The following CNOT6 variants were observed in gnomAD, a reference collection of about 807,000 sequenced individuals.
CNOT6 encodes the protein CCR4-NOT transcription complex subunit 6, also known as carbon catabolite repression 4 protein.
Under a neutral mutation model 61.2 loss-of-function variants are expected in CNOT6, and 12 were observed. That is an observed-to-expected ratio of 0.20 (90% CI 0.13 to 0.32). CNOT6 has a LOEUF of 0.32. Among genes scored for constraint, CNOT6 ranks in the 10% least tolerant of loss-of-function variants. The probability of loss-of-function intolerance (pLI) is 1.00; values close to 1 mark genes in which losing one functional copy is unlikely to be tolerated. For synonymous variants in CNOT6, 225 were observed against 240.6 expected, an observed-to-expected ratio of 0.94 and a Z score of 0.60; for missense variants, 405 against 663.9, an observed-to-expected ratio of 0.61 and a Z score of 4.28.
At position 180,574,998 on chromosome 5, in the gene CNOT6, A is replaced by G. The variant is rs893581709; in HGVS notation, c.*798A>G. 14 of 152,672 alleles carry G rather than the reference A, an allele frequency of 9.2e-5. No individual in the cohort carries two copies. Among genetic ancestry groups the G allele is most frequent in the Non-Finnish European group, 1.9e-4 (13 of 68,058 alleles). 9.5% of individuals were successfully genotyped at this position (152,672 alleles called of 1,614,324 possible). ...AGCTGAACAGTGATGATCTGTAGACATTTATGGACTGAATGTAATGGTTGA... is the reference window on the plus strand; with the variant it reads ...AGCTGAACAGTGATGATCTGTAGACGTTTATGGACTGAATGTAATGGTTGA... On this transcript the variant is annotated 3_prime_UTR_variant, in exon 12 of 12. Coordinates refer to ENST00000261951, the MANE Select transcript of CNOT6 (RefSeq NM_001370472.1).
At chr5:180,549,149 A>G (rs924367096) in intron 2 of CNOT6, among the ~76,000 whole-genome samples, 1 of 152,140 alleles carries the variant, frequency 6.6e-6, no homozygotes, top group East Asian at 1.9e-4. Flanking sequence ...TCACTAGGGT[A>G]CTCAGTTCTT....
Position 180,526,525 on chromosome 5 carries a change from A to T in CNOT6, c.-2-2750A>T, listed in dbSNP as rs907983703. Among the ~76,000 whole-genome samples the T allele has an allele frequency of 1.1e-4, 17 of 152,074 alleles. 1 individual carries two copies. On this transcript the variant is annotated intron_variant, in intron 1 of 11. Coordinates refer to ENST00000261951, the MANE Select transcript of CNOT6 (RefSeq NM_001370472.1). ...GTCAGGTCATCAGCTGAGAGGGAGG[A>T]TGGAGGAGTAGGTGTTAGAGGTTTG...
intron 10 of CNOT6, among the ~76,000 whole-genome samples, chr5:180,570,518 C>T (rs1274092514): frequency 6.6e-6 from 1 of 152,166 alleles, no homozygotes; most frequent in Non-Finnish European, 1.5e-5. Flanking sequence ...GACAATTTCT[C>T]TACATGCTTT....
intron 1 of CNOT6, among the ~76,000 whole-genome samples, chr5:180,508,713 C>G (rs975742228): frequency 3.9e-5 from 6 of 152,120 alleles, no homozygotes; most frequent in African/African-American, 9.7e-5. Context: ...ACCTCAATCT[C>G]TAGAGCTCAA....
chr5:180,531,179 G>T (rs1204864555), intron 2 of CNOT6, among the ~76,000 whole-genome samples: 1 of 121,850 alleles, frequency 8.2e-6, no homozygotes, highest in East Asian at 2.3e-4. Flanking sequence ...CCCAGCTGGG[G>T]CGGCTGGCCG....
intron 3 of CNOT6, among the ~76,000 whole-genome samples, chr5:180,551,793 TA>T (rs1452626893): frequency 1.3e-5 from 2 of 152,226 alleles, no homozygotes; most frequent in Non-Finnish European, 1.5e-5. Context: ...GACTTTTTTT[TA>T]GGTTTAATTG....
At chr5:180,549,296 A>G (rs1454307906) in intron 2 of CNOT6, among the ~76,000 whole-genome samples, 1 of 152,172 alleles carries the variant, frequency 6.6e-6, no homozygotes, top group Non-Finnish European at 1.5e-5. Context: ...ACGTTCAGAT[A>G]TTGGATTTAT....
At chr5:180,500,393 T>C (rs1257986767) in intron 1 of CNOT6, among the ~76,000 whole-genome samples, 2 of 152,082 alleles carry the variant, frequency 1.3e-5, no homozygotes, top group Non-Finnish European at 2.9e-5. Context: ...TTTATAGGTG[T>C]GAGCCACTGC....
intron 6 of CNOT6, 60 bp downstream of exon 6, chr5:180,564,803 A>G (rs1760372212): frequency 1.7e-6 from 2 of 1,211,898 alleles, no homozygotes; most frequent in Non-Finnish European, 2.4e-6. Context: ...GCCTAACAGT[A>G]TTGTCAGCAT....
intron 9 of CNOT6, 141 bp from the exon 10 acceptor site, chr5:180,568,969 C>A: frequency 3.2e-6 from 2 of 634,684 alleles, no homozygotes; most frequent in South Asian, 2.0e-5. Flanking sequence ...TTGTAGGGCA[C>A]ATTCAGTCAT....
intron 2 of CNOT6, chr5:180,534,383 T>G (rs551855475): frequency 7.5e-5 from 13 of 173,714 alleles, no homozygotes; most frequent in African/African-American, 3.1e-4. Context: ...GGATCACTGC[T>G]AAGAGGGTTT....
At chr5:180,536,936 G>A (rs1033409596) in intron 2 of CNOT6, among the ~76,000 whole-genome samples, 3 of 152,172 alleles carry the variant, frequency 2.0e-5, no homozygotes, top group African/African-American at 7.2e-5. Flanking sequence ...CTTTAACTTA[G>A]TAATAGATGT....
intron 9 of CNOT6, among the ~76,000 whole-genome samples, 198 bp downstream of exon 9, chr5:180,568,201 A>G (rs1760558470): frequency 6.6e-6 from 1 of 150,764 alleles, no homozygotes. Flanking sequence ...CCATTAAAGT[A>G]TTAGAAGCCT....
chr5:180,561,378 GTGTGTGTGTGTGTGTT>G (rs1760178950), intron 4 of CNOT6, among the ~76,000 whole-genome samples: 1 of 151,646 alleles, frequency 6.6e-6, no homozygotes, highest in South Asian at 2.1e-4. Flanking sequence ...GTGTGTGTGT[GTGTGTGTGTGTGTGTT>G]TTCAAGCATG....
At chr5:180,495,996 T>G (rs1045382710) in intron 1 of CNOT6, among the ~76,000 whole-genome samples, 1 of 152,194 alleles carries the variant, frequency 6.6e-6, no homozygotes, top group African/African-American at 2.4e-5. Flanking sequence ...CACTGCAGCC[T>G]TCGCCTCCTG....
At chr5:180,518,620 G>A (rs1353191526) in intron 1 of CNOT6, among the ~76,000 whole-genome samples, 4 of 152,134 alleles carry the variant, frequency 2.6e-5, no homozygotes, top group African/African-American at 9.7e-5. Flanking sequence ...CCAGGCTCAG[G>A]TAGTCCTGAG....
chr5:180,533,888 G>C (rs1758534136), intron 2 of CNOT6, among the ~76,000 whole-genome samples: 1 of 152,154 alleles, frequency 6.6e-6, no homozygotes, highest in Non-Finnish European at 1.5e-5. Flanking sequence ...CCTGGACTCT[G>C]AAATCTAAGG....
chr5:180,547,986 A>G (rs1381046025), intron 2 of CNOT6, among the ~76,000 whole-genome samples: 2 of 152,176 alleles, frequency 1.3e-5, no homozygotes, highest in African/African-American at 4.8e-5. Context: ...TGCCCGCCTC[A>G]GCTTCCCAAA....
At chr5:180,497,855 C>T (rs1756683930) in intron 1 of CNOT6, among the ~76,000 whole-genome samples, 1 of 151,950 alleles carries the variant, frequency 6.6e-6, no homozygotes. Flanking sequence ...ACCAGCCTGA[C>T]CAAGATGGAG....
Sources: gnomAD v4.1 joint callset for allele counts (sites outside exome capture counted in the v4.1 genomes callset) on GRCh38, gnomAD v4.1.1 for gene constraint, MANE v1.5 for transcripts, NCBI Gene and HGNC (gene_info 2026-07-23, HGNC 2026-07-21) for gene names.